RAC1: variants seen among roughly 807,000 people sequenced by gnomAD.
RAC1 encodes the protein ras-related C3 botulinum toxin substrate 1.
RAC1 carries 2 observed loss-of-function variants against 25.2 expected under a neutral mutation model. The observed-to-expected ratio is 0.08, with a 90% CI of 0.03 to 0.25. RAC1 has a LOEUF of 0.25. Ranked by LOEUF, RAC1 falls within the 10% of genes least tolerant of loss-of-function variation. The pLI is 1.00. For synonymous variants in RAC1, 88 were observed against 94.0 expected (o/e 0.94, Z 0.37); for missense variants, 50 against 235.7 (o/e 0.21, Z 5.16).
At chr7:6,387,317 T>C in intron 2 of RAC1, 34 bp downstream of exon 2, 1 of 1,396,782 alleles carries the variant, frequency 7.2e-7, no homozygotes. Context: ...AACCTGTTTG[T>C]GTTACGGGTT....
At chr7:6,388,322 T>TTTGTTG (rs533656351) in intron 2 of RAC1, among the ~76,000 whole-genome samples, 1 of 151,218 alleles carries the variant, frequency 6.6e-6, no homozygotes, top group Non-Finnish European at 1.5e-5. Flanking sequence ...TACCCATGTT[T>TTTGTTG]TTGTTGTTGT....
At chr7:6,378,944 G>T (rs1390579052) in intron 1 of RAC1, among the ~76,000 whole-genome samples, 1 of 152,008 alleles carries the variant, frequency 6.6e-6, no homozygotes, top group African/African-American at 2.4e-5. Context: ...AAAAAAATTA[G>T]CCAAGGATGG....
intron 1 of RAC1, among the ~76,000 whole-genome samples, chr7:6,380,645 T>G (rs982543743): frequency 6.6e-6 from 1 of 152,216 alleles, no homozygotes; most frequent in African/African-American, 2.4e-5. Flanking sequence ...GGATTGCATG[T>G]GATCAGTAGG....
At position 6,377,736 on chromosome 7, in the gene RAC1, G is replaced by A. The variant is rs111743879; in HGVS notation, c.35+2966G>A. ...TTGAGACCAGTCTGGCCAATATGGC[G>A]AAACCTCGTCTCTACTAAAAATAGA... On this transcript the variant is annotated intron_variant, in intron 1 of 5. Transcript: ENST00000348035. Among the ~76,000 whole-genome samples the A allele has an allele frequency of 1.2e-4, 18 of 152,002 alleles. 2 individuals are homozygous for A. The highest frequency in any genetic ancestry group is 2.7e-4 in the African/African-American group (11 of 41,442).
At position 6,387,763 on chromosome 7, in the gene RAC1, C is replaced by G. The variant is rs36096502; in HGVS notation, c.107+480C>G. Among the ~76,000 whole-genome samples, 809 of 151,604 alleles carry G rather than the reference C, an allele frequency of 5.3e-3. 6 individuals are homozygous for G. Among genetic ancestry groups the G allele is most frequent in the African/African-American group, 0.019 (765 of 41,338 alleles). On this transcript the variant is annotated intron_variant, in intron 2 of 5. Transcript: ENST00000348035. Reference sequence around the variant, plus strand: ...AAAAAGAAACTTAGGGTAATATAAACTTTTCACAACTTTGCTAGTTGATTT... The same window carrying G: ...AAAAAGAAACTTAGGGTAATATAAAGTTTTCACAACTTTGCTAGTTGATTT...
chr7:6,387,955 GA>G (rs1181245028), intron 2 of RAC1, among the ~76,000 whole-genome samples: 2 of 152,142 alleles, frequency 1.3e-5, no homozygotes, highest in African/African-American at 4.8e-5. Flanking sequence ...ACTGGAAAGG[GA>G]AAGATTCCAT....
rs141874124 is a variant in RAC1 at position 6,400,134 on chromosome 7, C to T, written c.234C>T (p.Phe78=). Residue 78 remains phenylalanine (F), a synonymous_variant, in exon 4 of 6, where the codon TTC becomes TTT. Transcript: ENST00000348035. ...RPLSYPQTDV[F]LICFSLVSPA... ...GTGTTTCCTTTTTGTAGGATGTGTT[C>T]TTAATTTGCTTTTCCCTTGTGAGTC... The T allele has an allele frequency of 3.5e-5, 57 of 1,611,124 alleles. No individual in the cohort carries two copies. Among genetic ancestry groups the T allele is most frequent in the Non-Finnish European group, 4.8e-5 (56 of 1,178,062 alleles).
At chr7:6,376,779 GTTTTT>G (rs35795933) in intron 1 of RAC1, among the ~76,000 whole-genome samples, 1 of 116,384 alleles carries the variant, frequency 8.6e-6, no homozygotes, top group African/African-American at 3.4e-5. Context: ...GCCTCGGCCT[GTTTTT>G]TTTTTTTTTT....
intron 2 of RAC1, among the ~76,000 whole-genome samples, chr7:6,389,477 T>A (rs1167337413): frequency 2.0e-5 from 3 of 151,968 alleles, no homozygotes; most frequent in Non-Finnish European, 2.9e-5. Flanking sequence ...GTAAGGAGTT[T>A]GAGACCAACT....
In RAC1 at chr7:6,400,130, T is replaced by C; in HGVS notation, c.230T>C (p.Val77Ala). Residue 77 changes from valine to alanine, a missense_variant, in exon 4 of 6, where the codon GTG becomes GCG. Transcript: ENST00000348035. ...CCCTGTGTTTCCTTTTTGTAGGATG[T>C]GTTCTTAATTTGCTTTTCCCTTGTG... ...LRPLSYPQTD[V>A]FLICFSLVSP... 6.2e-7 allele frequency: 1 copy of C among 1,610,488 alleles called. No homozygotes were observed. Among genetic ancestry groups the C allele is most frequent in the Non-Finnish European group, 8.5e-7 (1 of 1,177,198 alleles).
intron 1 of RAC1, among the ~76,000 whole-genome samples, chr7:6,383,198 G>T (rs35266813): frequency 1.3e-5 from 2 of 152,106 alleles, no homozygotes; most frequent in Admixed American, 1.3e-4. Context: ...GGCCAAATAC[G>T]GCTTCCATTC....
intron 3 of RAC1, among the ~76,000 whole-genome samples, chr7:6,397,659 C>G (rs1783283400): frequency 6.6e-6 from 1 of 152,130 alleles, no homozygotes; most frequent in Non-Finnish European, 1.5e-5. Flanking sequence ...AATGAATTGA[C>G]AGCATTGTGA....
At chr7:6,393,109 A>G (rs1783133768) in intron 3 of RAC1, among the ~76,000 whole-genome samples, 1 of 152,162 alleles carries the variant, frequency 6.6e-6, no homozygotes, top group Admixed American at 6.6e-5. Flanking sequence ...GGTTGAGGTC[A>G]GGAAGACATC....
chr7:6,382,504 A>G (rs892098059), intron 1 of RAC1, among the ~76,000 whole-genome samples: 2 of 152,138 alleles, frequency 1.3e-5, no homozygotes, highest in African/African-American at 4.8e-5. Flanking sequence ...TGTGCTTTTA[A>G]GTTTTGGTTT....
rs1783475377 is a variant in RAC1, at chr7:6,403,375, G to T, written c.*929G>T. Reference sequence around the variant, plus strand: ...GGGCATTTAATTCATCTTTAAACTGGTTGTTCTGTTAGTCGCTAACTTAGT... The same window carrying T: ...GGGCATTTAATTCATCTTTAAACTGTTTGTTCTGTTAGTCGCTAACTTAGT... On this transcript the variant is annotated 3_prime_UTR_variant, in exon 6 of 6. Coordinates refer to ENST00000348035, the MANE Select transcript of RAC1 (RefSeq NM_006908.5). The T allele has an allele frequency of 4.7e-6, 1 of 211,562 alleles. No homozygotes were observed. The highest frequency in any genetic ancestry group is 9.6e-6 in the Non-Finnish European group (1 of 104,296). 13.1% of individuals were successfully genotyped at this position (211,562 alleles called of 1,614,324 possible).
chr7:6,379,748 T>C (rs1485789512), intron 1 of RAC1, among the ~76,000 whole-genome samples: 3 of 152,124 alleles, frequency 2.0e-5, no homozygotes, highest in Non-Finnish European at 4.4e-5. Context: ...TATTTTTTTA[T>C]TGCTTATTAC....
intron 1 of RAC1, among the ~76,000 whole-genome samples, chr7:6,385,305 C>T (rs1782894242): frequency 6.6e-6 from 1 of 152,088 alleles, no homozygotes; most frequent in Admixed American, 6.6e-5. Flanking sequence ...TGGTGTAGCA[C>T]ACGGTTGATA....
At chr7:6,376,798 T>C (rs1782618476) in intron 1 of RAC1, among the ~76,000 whole-genome samples, 2 of 147,528 alleles carry the variant, frequency 1.4e-5, no homozygotes, top group South Asian at 4.3e-4. Context: ...TTTTTTTTTT[T>C]TTAAGTCATA....
At chr7:6,388,050 G>T (rs77262360) in intron 2 of RAC1, among the ~76,000 whole-genome samples, 2,107 of 152,092 alleles carry the variant, frequency 0.014, 25 homozygotes, top group Middle Eastern at 0.027. Context: ...TTGAAACTTG[G>T]GTGTGTGTGT....
Sources: gnomAD v4.1 joint callset for allele counts (sites outside exome capture counted in the v4.1 genomes callset) on GRCh38, gnomAD v4.1.1 for gene constraint, MANE v1.5 for transcripts, NCBI Gene and HGNC (gene_info 2026-07-23, HGNC 2026-07-21) for gene names.